Variants in SCN2A observed in about 807,000 individuals in gnomAD.
SCN2A encodes sodium voltage-gated channel alpha subunit 2, also known as sodium channel protein type 2 subunit alpha.
A neutral mutation model predicts 188.7 loss-of-function variants in SCN2A; 20 were observed. The observed-to-expected ratio is 0.11, with a 90% confidence interval of 0.07 to 0.15. The LOEUF (loss-of-function observed/expected upper bound fraction) is 0.15, where lower values mean the gene tolerates loss of function less well. Ranked by LOEUF, SCN2A falls within the 10% of genes least tolerant of loss-of-function variation. SCN2A has a pLI of 1.00. For missense variants in SCN2A, 1,278 were observed against 2,445.0 expected (o/e 0.52, Z 10.07); for synonymous variants, 804 against 833.1 (o/e 0.97, Z 0.60).
Position 165,323,455 on chromosome 2 carries a change from C to T in SCN2A, c.1971C>T (p.Val657=), listed in dbSNP as rs149230197. The T allele has an allele frequency of 1.7e-5, 27 of 1,613,766 alleles. No homozygotes were observed. The South Asian group carries it at 1.9e-4, about 11-fold the overall frequency. ...ACTGCAATGGTGTGGTCTCCCTGGTCGGGGGCCCTTCTACCCTCACATCTG... is the reference window on the plus strand; with the variant it reads ...ACTGCAATGGTGTGGTCTCCCTGGTTGGGGGCCCTTCTACCCTCACATCTG... ...AVDCNGVVSL[V]GGPSTLTSAG... The change falls in exon 12 of 27, where the codon GTC becomes GTT. Residue 657 remains valine, a synonymous_variant. Coordinates refer to ENST00000375437, the MANE Select transcript of SCN2A (RefSeq NM_001040142.2).
rs1696365950 is a variant in SCN2A at position 165,294,073 on chromosome 2, G to A, written c.-51-1700G>A. The A allele has an allele frequency of 4.6e-6, 4 of 874,260 alleles. No homozygotes were observed. In the South Asian group the frequency reaches 2.1e-4, roughly 47 times the overall value. 54.2% of individuals were successfully genotyped at this position (874,260 alleles called of 1,614,324 possible). On this transcript the variant is annotated intron_variant, in intron 1 of 26. Transcript: ENST00000375437. ...TTTTTTAAAGCATGATGGAATTTTA[G>A]CTGCAGTCTTCTTGGTGCCAGCTTA...
At chr2:165,284,193 CAG>C (rs1297826564) in intron 1 of SCN2A, among the ~76,000 whole-genome samples, 1 of 151,936 alleles carries the variant, frequency 6.6e-6, no homozygotes, top group Non-Finnish European at 1.5e-5. Flanking sequence ...TTTTTTGAGA[CAG>C]AGTCTGGCTC....
At chr2:165,265,477 A>ATCTATATC (rs1304724113) in intron 1 of SCN2A, among the ~76,000 whole-genome samples, 1 of 82,288 alleles carries the variant, frequency 1.2e-5, no homozygotes, top group Admixed American at 1.4e-4. Context: ...TGATCTATAT[A>ATCTATATC]TATATATATA....
At chr2:165,322,529 G>C (rs552485596) in intron 11 of SCN2A, among the ~76,000 whole-genome samples, 16 of 152,284 alleles carry the variant, frequency 1.1e-4, no homozygotes, top group South Asian at 8.3e-4. Context: ...AGAGACAAAG[G>C]GGTGAAAATT....
intron 19 of SCN2A, among the ~76,000 whole-genome samples, chr2:165,369,499 G>A (rs187650423): frequency 2.1e-3 from 322 of 152,258 alleles, no homozygotes; most frequent in Non-Finnish European, 3.9e-3. Context: ...TTTAATCCAG[G>A]CTGCCAGGTT....
intron 26 of SCN2A, 50 bp downstream of exon 26, chr2:165,387,066 G>A (rs749866898): frequency 6.4e-7 from 1 of 1,573,658 alleles, no homozygotes; most frequent in African/African-American, 1.4e-5. Flanking sequence ...GTAAAAATAT[G>A]TGTTTTAAAA....
chr2:165,329,667 A>T (rs1487591882), intron 13 of SCN2A, among the ~76,000 whole-genome samples: 1 of 152,144 alleles, frequency 6.6e-6, no homozygotes, highest in African/African-American at 2.4e-5. Flanking sequence ...CTGGCATGGA[A>T]AGAAAAAACC....
intron 22 of SCN2A, among the ~76,000 whole-genome samples, chr2:165,376,328 A>G (rs1478494645): frequency 6.6e-6 from 1 of 151,948 alleles, no homozygotes; most frequent in Non-Finnish European, 1.5e-5. Context: ...TTGTCAATTA[A>G]AAAATGAATA....
chr2:165,264,399 A>G (rs1694746916), intron 1 of SCN2A, among the ~76,000 whole-genome samples: 2 of 152,150 alleles, frequency 1.3e-5, no homozygotes, highest in African/African-American at 4.8e-5. Context: ...AAAATCCAAC[A>G]TCACTTTATG....
chr2:165,321,671 A>C (rs886403449), intron 11 of SCN2A, among the ~76,000 whole-genome samples: 1 of 152,120 alleles, frequency 6.6e-6, no homozygotes, highest in African/African-American at 2.4e-5. Context: ...CTCCCCATAA[A>C]ATCATTAGAT....
At position 165,315,577 on chromosome 2, in the gene SCN2A, G is replaced by A. The variant is rs778749930; in HGVS notation, c.1490G>A (p.Ser497Asn). 8 of 1,613,914 alleles carry A rather than the reference G, an allele frequency of 5.0e-6. No homozygotes were observed. The highest frequency in any genetic ancestry group is 6.8e-6 in the Non-Finnish European group (8 of 1,179,928). ...SSVASKLSSK[S>N]EKELKNRRKK... ...GTAGCATCTAAGTTGAGCTCCAAAA[G>A]TGAAAAAGAGCTGAAAAACAGAAGA... The change falls in exon 11 of 27, where the codon AGT becomes AAT. Residue 497 changes from serine to asparagine, a missense_variant. This residue lies in a region of SCN2A where 315 missense variants were observed against 386.6 expected (regional missense o/e 0.81). Transcript: ENST00000375437.
At chr2:165,341,861 G>A (rs889876185) in intron 14 of SCN2A, among the ~76,000 whole-genome samples, 9 of 152,178 alleles carry the variant, frequency 5.9e-5, no homozygotes, top group East Asian at 3.9e-4. Flanking sequence ...CTAGCCGTGA[G>A]CATGTTTATT....
At chr2:165,263,957 T>C (rs1694724917) in intron 1 of SCN2A, among the ~76,000 whole-genome samples, 2 of 151,982 alleles carry the variant, frequency 1.3e-5, no homozygotes, top group African/African-American at 4.8e-5. Flanking sequence ...CCACTGTTGG[T>C]AGTATAGCAG....
intron 12 of SCN2A, among the ~76,000 whole-genome samples, chr2:165,326,077 TC>T (rs1278546909): frequency 1.3e-5 from 2 of 152,188 alleles, no homozygotes; most frequent in East Asian, 3.9e-4. Flanking sequence ...CCTTTTTTTT[TC>T]CTGTGATAAT....
At chr2:165,347,361 A>C (rs1488616235) in intron 16 of SCN2A, among the ~76,000 whole-genome samples, 1 of 151,566 alleles carries the variant, frequency 6.6e-6, no homozygotes, top group Non-Finnish European at 1.5e-5. Context: ...CAAACACTAT[A>C]TGTTCTCACT....
chr2:165,315,497 A>G lies in SCN2A; in HGVS notation c.1410A>G (p.Glu470=), dbSNP rs772188657. 7 of 1,613,970 alleles carry G rather than the reference A, an allele frequency of 4.3e-6. No individual in the cohort carries two copies. The highest frequency in any genetic ancestry group is 2.2e-5 in the South Asian group (2 of 91,074). The change falls in exon 11 of 27, where the codon GAA becomes GAG. Residue 470 remains glutamate, a synonymous_variant. Transcript: ENST00000375437. ...CGGCAGCTGCAGCCGCATCTGCTGAATCAAGAGACTTCAGTGGTGCTGGTG... is the reference window on the plus strand; with the variant it reads ...CGGCAGCTGCAGCCGCATCTGCTGAGTCAAGAGACTTCAGTGGTGCTGGTG... ...AQAAAAAASA[E]SRDFSGAGGI... is the part of the protein sequence containing the mutation.
chr2:165,373,311 G>A lies in SCN2A; in HGVS notation c.3936G>A (p.Arg1312=), dbSNP rs1317894002. 3 of 1,613,060 alleles carry A rather than the reference G, an allele frequency of 1.9e-6. No individual in the cohort carries two copies. Among genetic ancestry groups the A allele is most frequent in the African/African-American group, 2.7e-5 (2 of 74,862 alleles). Residue 1312 remains arginine (R), a synonymous_variant, in exon 21 of 27, where the codon AGG becomes AGA. Transcript: ENST00000375437. ...CCCTCAGAACACTAAGAGCTCTGAG[G>A]CCACTGAGAGCTTTGTCCCGGTTTG... is the stretch of plus-strand genomic sequence containing the variant. The part of the protein sequence containing the change: ...IKSLRTLRAL[R]PLRALSRFEG...
At chr2:165,342,509 T>C (rs766748635) in intron 15 of SCN2A, 40 bp downstream of exon 15, 1 of 1,594,574 alleles carries the variant, frequency 6.3e-7, no homozygotes, top group South Asian at 1.1e-5. Context: ...TACTTTGTAA[T>C]TAATTAGTCT....
At chr2:165,255,726 T>G (rs1323614888) in intron 1 of SCN2A, among the ~76,000 whole-genome samples, 1 of 152,212 alleles carries the variant, frequency 6.6e-6, no homozygotes, top group Non-Finnish European at 1.5e-5. Context: ...TGATATATTT[T>G]CTCAGCTGCT....
Sources: allele counts gnomAD v4.1 joint callset (sites outside exome capture counted in the v4.1 genomes callset), GRCh38; gene constraint gnomAD v4.1.1; regional missense constraint gnomAD v4.1.1; transcripts MANE v1.5; gene names NCBI Gene and HGNC (gene_info 2026-07-23, HGNC 2026-07-21).